GRIK4: variants seen among roughly 807,000 people sequenced by gnomAD.
The protein encoded by GRIK4 is glutamate ionotropic receptor kainate type subunit 4.
In GRIK4, 40 loss-of-function variants were observed where a neutral mutation model predicts 104.9. The ratio of observed to expected loss-of-function variants is 0.38; its 90% confidence interval spans 0.30 to 0.50. The LOEUF (loss-of-function observed/expected upper bound fraction) is 0.50. Among genes scored for constraint, GRIK4 ranks in the 20% least tolerant of loss-of-function variants. The probability of loss-of-function intolerance (pLI) is 0.93; values close to 1 mark genes in which losing one functional copy is unlikely to be tolerated. For missense variants in GRIK4, 1,047 were observed against 1,308.1 expected, an observed-to-expected ratio of 0.80 and a Z score of 3.08; for synonymous variants, 485 against 524.9, an observed-to-expected ratio of 0.92 and a Z score of 1.04.
rs946779861 is a variant in GRIK4, at chr11:120,655,398, G to T, written c.-51+1606G>T. Among the ~76,000 whole-genome samples, 5 of 152,232 alleles carry T rather than the reference G, an allele frequency of 3.3e-5. No homozygotes were observed. The South Asian group carries it at 6.2e-4, about 19-fold the overall frequency. On this transcript the variant is annotated intron_variant, in intron 2 of 20. Coordinates refer to ENST00000527524, the MANE Select transcript of GRIK4 (RefSeq NM_014619.5). ...CTGCTGGGGCATCAGGTGCCGTAGG[G>T]TACAGGGTAGGGACAGGTGAGCAAA...
At chr11:120,632,134 G>A (rs558332153) in intron 1 of GRIK4, among the ~76,000 whole-genome samples, 10 of 152,224 alleles carry the variant, frequency 6.6e-5, no homozygotes, top group East Asian at 5.8e-4. Context: ...GGTCATAGGC[G>A]TGGAGGCCTC....
At chr11:120,756,298 C>G (rs539475584) in intron 3 of GRIK4, among the ~76,000 whole-genome samples, 1 of 152,212 alleles carries the variant, frequency 6.6e-6, no homozygotes, top group Non-Finnish European at 1.5e-5. Context: ...GACCCCATGT[C>G]CTAGCCTGCT....
chr11:120,620,972 CA>C (rs1258701397), intron 1 of GRIK4, among the ~76,000 whole-genome samples: 1 of 152,198 alleles, frequency 6.6e-6, no homozygotes, highest in African/African-American at 2.4e-5. Context: ...CATGCAGCAA[CA>C]AAGTGGAAAT....
At chr11:120,737,138 G>T (rs1951239221) in intron 3 of GRIK4, among the ~76,000 whole-genome samples, 1 of 152,100 alleles carries the variant, frequency 6.6e-6, no homozygotes, top group South Asian at 2.1e-4. Flanking sequence ...TTATCTAATT[G>T]GTTATCTCCT....
At chr11:120,569,651 G>T (rs4310631) in intron 1 of GRIK4, among the ~76,000 whole-genome samples, 2 of 152,146 alleles carry the variant, frequency 1.3e-5, no homozygotes, top group South Asian at 2.1e-4. Flanking sequence ...TGCGTAGAGT[G>T]ACTTTGGGGA....
At chr11:120,801,696 A>G (rs1370455036) in intron 3 of GRIK4, among the ~76,000 whole-genome samples, 1 of 152,190 alleles carries the variant, frequency 6.6e-6, no homozygotes, top group East Asian at 1.9e-4. Flanking sequence ...ATGCTGCTAT[A>G]TATATTTGTG....
chr11:120,960,580 C>T (rs556062599), intron 16 of GRIK4, among the ~76,000 whole-genome samples: 7 of 152,344 alleles, frequency 4.6e-5, no homozygotes, highest in Middle Eastern at 3.4e-3. Flanking sequence ...AGCTGGCACC[C>T]GCAGCTCATT....
At chr11:120,849,159 G>GCA (rs1387998512) in intron 8 of GRIK4, among the ~76,000 whole-genome samples, 85 of 151,222 alleles carry the variant, frequency 5.6e-4, no homozygotes, top group East Asian at 2.2e-3. Context: ...TGCCCCCAAC[G>GCA]CGCGCACACA....
At chr11:120,815,021 C>G (rs1358753366) in intron 4 of GRIK4, among the ~76,000 whole-genome samples, 2 of 152,234 alleles carry the variant, frequency 1.3e-5, no homozygotes, top group African/African-American at 2.4e-5. Context: ...TCCCCCTACC[C>G]CCCTGCAGGC....
intron 4 of GRIK4, among the ~76,000 whole-genome samples, chr11:120,806,448 C>T (rs1952714308): frequency 6.6e-6 from 1 of 152,126 alleles, no homozygotes; most frequent in Non-Finnish European, 1.5e-5. Flanking sequence ...GGCTAGTGGC[C>T]CAGGGCTAAT....
chr11:120,628,854 G>A (rs75129790), intron 1 of GRIK4, among the ~76,000 whole-genome samples: 5,427 of 152,242 alleles, frequency 0.036, 190 homozygotes, highest in Non-Finnish European at 0.047. Flanking sequence ...TTCAGGGCAA[G>A]ATACATCCTT....
chr11:120,930,005 G>GGT (rs888672664), intron 13 of GRIK4, among the ~76,000 whole-genome samples: 25 of 136,646 alleles, frequency 1.8e-4, no homozygotes, highest in Non-Finnish European at 2.6e-4. Flanking sequence ...CCACGTTTGG[G>GGT]GGGGGGGTCC....
chr11:120,932,362 T>C (rs1021512536), intron 13 of GRIK4, among the ~76,000 whole-genome samples: 1 of 152,036 alleles, frequency 6.6e-6, no homozygotes. Context: ...GGAGGGGGCA[T>C]TGGGCTCTGC....
At chr11:120,863,652 G>A (rs916241209) in intron 9 of GRIK4, among the ~76,000 whole-genome samples, 2 of 152,248 alleles carry the variant, frequency 1.3e-5, no homozygotes, top group African/African-American at 2.4e-5. Context: ...AAATTCTCTG[G>A]TGAGTTTTTA....
chr11:120,674,552 T>C (rs116440752), intron 3 of GRIK4, among the ~76,000 whole-genome samples: 4,129 of 152,334 alleles, frequency 0.027, 169 homozygotes, highest in African/African-American at 0.094. Context: ...CTTCCCTAAG[T>C]GGAATCACCT....
At chr11:120,716,287 A>G (rs2135365678) in intron 3 of GRIK4, among the ~76,000 whole-genome samples, 1 of 152,248 alleles carries the variant, frequency 6.6e-6, no homozygotes, top group Non-Finnish European at 1.5e-5. Flanking sequence ...TCTGTTGCCC[A>G]GGTTGAAGTG....
intron 1 of GRIK4, among the ~76,000 whole-genome samples, chr11:120,628,158 A>C (rs1949284812): frequency 6.6e-6 from 1 of 152,148 alleles, no homozygotes; most frequent in South Asian, 2.1e-4. Flanking sequence ...AGATGGCTCA[A>C]ATGGGGTGAG....
intron 3 of GRIK4, among the ~76,000 whole-genome samples, chr11:120,690,097 G>T (rs1366006231): frequency 6.6e-6 from 1 of 152,096 alleles, no homozygotes; most frequent in East Asian, 1.9e-4. Context: ...TTTATGGTTG[G>T]GTAGGAGATC....
intron 3 of GRIK4, among the ~76,000 whole-genome samples, chr11:120,729,713 T>C (rs566703862): frequency 6.6e-6 from 1 of 152,306 alleles, no homozygotes; most frequent in East Asian, 1.9e-4. Flanking sequence ...CTGTGGGTTA[T>C]CTCTTCAGTT....
Sources: allele counts gnomAD v4.1 joint callset (sites outside exome capture counted in the v4.1 genomes callset), GRCh38; gene constraint gnomAD v4.1.1; transcripts MANE v1.5; gene names NCBI Gene and HGNC (gene_info 2026-07-23, HGNC 2026-07-21).